The following WDPCP variants were observed in gnomAD, a reference collection of about 807,000 sequenced individuals.
WDPCP encodes WD repeat-containing and planar cell polarity effector protein fritz homolog.
In WDPCP, 71 loss-of-function variants were observed where a neutral mutation model predicts 93.1. The ratio of observed to expected loss-of-function variants is 0.76; its 90% CI spans 0.63 to 0.93. The LOEUF (loss-of-function observed/expected upper bound fraction) is 0.93. Among genes scored for constraint, WDPCP ranks in the 40% least tolerant of loss-of-function variants. WDPCP has a pLI of 0.00. For synonymous variants in WDPCP, 315 were observed against 315.0 expected (o/e 1.00, Z 0.00); for missense variants, 844 against 887.4 (o/e 0.95, Z 0.62).
intron 2 of WDPCP, among the ~76,000 whole-genome samples, chr2:63,734,227 A>T: frequency 6.6e-6 from 1 of 152,156 alleles, no homozygotes; most frequent in East Asian, 1.9e-4. Context: ...CTTACATTCA[A>T]CTAGACAAAT....
chr2:63,763,328 A>C (rs965636658), intron 2 of WDPCP, among the ~76,000 whole-genome samples: 1 of 152,042 alleles, frequency 6.6e-6, no homozygotes, highest in Non-Finnish European at 1.5e-5. Context: ...ATATAGTGAA[A>C]CCCCATCTCT....
At chr2:63,312,453 A>T (rs112390918) in intron 13 of WDPCP, among the ~76,000 whole-genome samples, 103 of 152,344 alleles carry the variant, frequency 6.8e-4, no homozygotes, top group African/African-American at 2.3e-3. Flanking sequence ...TCAAAGCTTA[A>T]TTTAAACTAC....
chr2:63,204,084 C>A (rs1212987483), intron 14 of WDPCP, among the ~76,000 whole-genome samples: 2 of 152,232 alleles, frequency 1.3e-5, no homozygotes, highest in East Asian at 1.9e-4. Context: ...GGATTGTTGA[C>A]TCATGTGGTA....
At chr2:63,170,161 T>G (rs367681698) in intron 15 of WDPCP, among the ~76,000 whole-genome samples, 14 of 151,994 alleles carry the variant, frequency 9.2e-5, no homozygotes, top group African/African-American at 3.4e-4. Flanking sequence ...CCCAAAGTGT[T>G]TGGATTACAG....
chr2:63,806,724 C>T (rs562458180), intron 2 of WDPCP, among the ~76,000 whole-genome samples: 34 of 152,158 alleles, frequency 2.2e-4, no homozygotes, highest in African/African-American at 8.0e-4. Context: ...CAGGGATGTT[C>T]CATGCTGAGA....
chr2:63,474,095 T>C (rs1260689376), intron 6 of WDPCP, among the ~76,000 whole-genome samples: 2 of 152,084 alleles, frequency 1.3e-5, no homozygotes, highest in Admixed American at 6.6e-5. Flanking sequence ...TTAATATTTA[T>C]AAAATACTCA....
chr2:63,637,511 T>C (rs948943236), intron 3 of WDPCP, among the ~76,000 whole-genome samples: 5 of 143,650 alleles, frequency 3.5e-5, no homozygotes. Flanking sequence ...ATATCTGATA[T>C]AAGGGACTAA....
At chr2:63,228,276 A>G (rs1256391516) in intron 14 of WDPCP, 1 of 151,952 alleles carries the variant, frequency 6.6e-6, no homozygotes, top group Non-Finnish European at 1.5e-5. Context: ...ATATTAACAC[A>G]TGAAAAAAAA....
chr2:63,432,176 CTAA>C (rs935973622), intron 9 of WDPCP, among the ~76,000 whole-genome samples: 2 of 152,050 alleles, frequency 1.3e-5, no homozygotes, highest in Non-Finnish European at 2.9e-5. Context: ...TTCCACAGAG[CTAA>C]TAATATCAAC....
chr2:63,625,213 G>A (rs1162278949), intron 3 of WDPCP, among the ~76,000 whole-genome samples: 1 of 152,126 alleles, frequency 6.6e-6, no homozygotes, highest in Non-Finnish European at 1.5e-5. Context: ...CAAACCCATA[G>A]CCAATATCAT....
chr2:63,229,462 C>T (rs1443367779), intron 14 of WDPCP: 1 of 151,726 alleles, frequency 6.6e-6, no homozygotes, highest in Non-Finnish European at 1.5e-5. Context: ...TCAATTTTGG[C>T]TTTTGTTGCC....
intron 14 of WDPCP, among the ~76,000 whole-genome samples, chr2:63,206,964 C>T (rs1011110311): frequency 6.6e-6 from 1 of 152,088 alleles, no homozygotes; most frequent in African/African-American, 2.4e-5. Context: ...AAAACTGAAA[C>T]CCATTAAAAA....
intron 7 of WDPCP, 129 bp downstream of exon 7, chr2:63,439,628 C>T (rs1697366310): frequency 1.3e-5 from 10 of 749,700 alleles, no homozygotes; most frequent in East Asian, 2.5e-5. Context: ...GGTGTAAGTA[C>T]GCTATTACAA....
intron 10 of WDPCP, among the ~76,000 whole-genome samples, chr2:63,392,889 C>A (rs533188492): frequency 1.3e-5 from 2 of 152,310 alleles, no homozygotes; most frequent in South Asian, 4.1e-4. Context: ...AGGAAAACAA[C>A]AGATGCTGTG....
intron 3 of WDPCP, among the ~76,000 whole-genome samples, chr2:63,606,552 T>C (rs1421680704): frequency 6.6e-6 from 1 of 152,240 alleles, no homozygotes; most frequent in African/African-American, 2.4e-5. Context: ...TATGTTATTA[T>C]GCCTCTAGTA....
chr2:63,596,747 C>T (rs1417785773), intron 3 of WDPCP, among the ~76,000 whole-genome samples: 1 of 152,062 alleles, frequency 6.6e-6, no homozygotes, highest in Non-Finnish European at 1.5e-5. Context: ...CAAAGAAGTG[C>T]GATGACTTAT....
intron 6 of WDPCP, among the ~76,000 whole-genome samples, chr2:63,451,627 C>T (rs1308975792): frequency 3.3e-5 from 5 of 152,142 alleles, no homozygotes; most frequent in African/African-American, 4.8e-5. Flanking sequence ...CAAAGCCTGG[C>T]AGAGACACAA....
chr2:63,150,310 A>G lies in WDPCP; in HGVS notation c.2190+2604T>C, dbSNP rs1448704289. On this transcript the variant is annotated intron_variant, in intron 17 of 17. Transcript: ENST00000272321. ...TCTTAACCAAGGATGACTTTTTACTATCTTCCTCCCCCCAGGAGACATTTG... is the reference window on the plus strand; with the variant it reads ...TCTTAACCAAGGATGACTTTTTACTGTCTTCCTCCCCCCAGGAGACATTTG... Among the ~76,000 whole-genome samples, 5 of 152,204 alleles carry G rather than the reference A, an allele frequency of 3.3e-5. No homozygotes were observed. The East Asian group carries it at 9.6e-4, about 29-fold the overall frequency.
At chr2:63,456,069 C>T (rs565193978) in intron 6 of WDPCP, among the ~76,000 whole-genome samples, 36 of 152,216 alleles carry the variant, frequency 2.4e-4, no homozygotes, top group Middle Eastern at 6.8e-3. Flanking sequence ...TACTCCTAAA[C>T]AACCATTGGA....
Sources: gnomAD v4.1 joint callset for allele counts (sites outside exome capture counted in the v4.1 genomes callset) on GRCh38, gnomAD v4.1.1 for gene constraint, MANE v1.5 for transcripts, NCBI Gene and HGNC (gene_info 2026-07-23, HGNC 2026-07-21) for gene names.